SRD5A2: variants seen among roughly 807,000 people sequenced by gnomAD.
SRD5A2 encodes 3-oxo-5-alpha-steroid 4-dehydrogenase 2.
SRD5A2 carries 30 observed loss-of-function variants against 27.4 expected under a neutral mutation model. The observed-to-expected ratio is 1.10, with a 90% CI of 0.82 to 1.49. The LOEUF is 1.49. SRD5A2 is among the 40% of genes most tolerant of loss of function. The probability of loss-of-function intolerance (pLI) is 0.00; values close to 1 mark genes in which losing one functional copy is unlikely to be tolerated. For synonymous variants in SRD5A2, 141 were observed against 133.6 expected, an observed-to-expected ratio of 1.06 and a Z score of -0.38; for missense variants, 348 against 323.4, an observed-to-expected ratio of 1.08 and a Z score of -0.58.
the SRD5A2 span, among the ~76,000 whole-genome samples, chr2:31,658,240 A>G: frequency 6.6e-6 from 1 of 152,154 alleles, no homozygotes; most frequent in South Asian, 2.1e-4. Context: ...TTAAGAGGAA[A>G]GTTTATAGCA....
At chr2:31,595,597 T>C in the SRD5A2 span, among the ~76,000 whole-genome samples, 2 of 152,070 alleles carry the variant, frequency 1.3e-5, no homozygotes, top group Non-Finnish European at 2.9e-5. Context: ...CAGGACCAGA[T>C]GGACTCACAT....
At chr2:31,537,356 C>G (rs1666047502) in intron 1 of SRD5A2, among the ~76,000 whole-genome samples, 3 of 152,174 alleles carry the variant, frequency 2.0e-5, no homozygotes, top group Admixed American at 1.3e-4. Context: ...TCTCTGTCTT[C>G]TCCTCCACTT....
chr2:31,610,578 A>G, the SRD5A2 span, among the ~76,000 whole-genome samples: 3 of 152,308 alleles, frequency 2.0e-5, no homozygotes, highest in Admixed American at 2.0e-4. Context: ...ATCAAGAACA[A>G]TACAAAGATG....
the SRD5A2 span, among the ~76,000 whole-genome samples, chr2:31,606,917 G>C: frequency 1.3e-5 from 2 of 151,918 alleles, no homozygotes; most frequent in African/African-American, 2.4e-5. Context: ...GTTCCTCTGA[G>C]GGTTGTGATG....
chr2:31,569,018 C>T (rs1447534517), intron 1 of SRD5A2, among the ~76,000 whole-genome samples: 1 of 152,210 alleles, frequency 6.6e-6, no homozygotes, highest in East Asian at 1.9e-4. Context: ...GGGGCGCTTC[C>T]CAGGCCCCTG....
the SRD5A2 span, among the ~76,000 whole-genome samples, chr2:31,612,274 G>A: frequency 2.7e-5 from 4 of 149,842 alleles, no homozygotes; most frequent in Non-Finnish European, 4.4e-5. Context: ...GAGCAAGACT[G>A]CGTCTCAAAA....
chr2:31,571,878 C>T (rs983691064), intron 1 of SRD5A2, among the ~76,000 whole-genome samples: 2 of 152,084 alleles, frequency 1.3e-5, no homozygotes, highest in African/African-American at 4.8e-5. Context: ...TAAATGCTGG[C>T]AAGGTTATGG....
intron 1 of SRD5A2, among the ~76,000 whole-genome samples, chr2:31,554,430 A>G (rs532337077): frequency 2.0e-5 from 3 of 152,180 alleles, no homozygotes; most frequent in Non-Finnish European, 4.4e-5. Context: ...TTGCAACTGG[A>G]GACAACTTGG....
At chr2:31,554,961 G>GTGTC (rs1553326415) in intron 1 of SRD5A2, among the ~76,000 whole-genome samples, 1 of 145,650 alleles carries the variant, frequency 6.9e-6, no homozygotes, top group Non-Finnish European at 1.5e-5. Flanking sequence ...GTGTGTGTGT[G>GTGTC]TGTGTGTATG....
At chr2:31,632,192 T>C in the SRD5A2 span, among the ~76,000 whole-genome samples, 1 of 151,946 alleles carries the variant, frequency 6.6e-6, no homozygotes, top group South Asian at 2.1e-4. Flanking sequence ...TGGTTTTTTA[T>C]AATAGAGATC....
At chr2:31,645,444 CT>C in the SRD5A2 span, among the ~76,000 whole-genome samples, 1 of 152,084 alleles carries the variant, frequency 6.6e-6, no homozygotes, top group Non-Finnish European at 1.5e-5. Flanking sequence ...CCCACAAAAA[CT>C]AAAAATTCAA....
chr2:31,608,598 TAA>T, the SRD5A2 span, among the ~76,000 whole-genome samples: 1 of 151,810 alleles, frequency 6.6e-6, no homozygotes, highest in Non-Finnish European at 1.5e-5. Context: ...GATTAATATA[TAA>T]AATAAGTTGT....
chr2:31,573,572 C>T lies in SRD5A2; in HGVS notation c.281+7048G>A, dbSNP rs1666895226. ...TAAGTAGACAACGTTTGTATTCCAT[C>T]TAGTAACAAAAAATATTTATGCTCC... On this transcript the variant is annotated intron_variant, in intron 1 of 4. Transcript: ENST00000622030. Among the ~76,000 whole-genome samples the T allele has an allele frequency of 3.3e-5, 5 of 152,180 alleles. No individual in the cohort carries two copies. In the South Asian group the frequency reaches 8.3e-4, roughly 25 times the overall value.
At chr2:31,574,612 C>T (rs559077486) in intron 1 of SRD5A2, among the ~76,000 whole-genome samples, 1 of 152,338 alleles carries the variant, frequency 6.6e-6, no homozygotes, top group South Asian at 2.1e-4. Flanking sequence ...AACTCCAAGA[C>T]TCCTACTATT....
chr2:31,546,194 A>C (rs1166198296), intron 1 of SRD5A2, among the ~76,000 whole-genome samples: 1 of 152,094 alleles, frequency 6.6e-6, no homozygotes, highest in African/African-American at 2.4e-5. Context: ...TTTCAGAAAT[A>C]AAACAGTCCA....
chr2:31,578,171 T>C (rs900174879), intron 1 of SRD5A2, among the ~76,000 whole-genome samples: 1 of 152,144 alleles, frequency 6.6e-6, no homozygotes, highest in Middle Eastern at 3.2e-3. Flanking sequence ...TATACTTAGA[T>C]GTAATTATGA....
the SRD5A2 span, among the ~76,000 whole-genome samples, chr2:31,601,916 T>C: frequency 1.3e-5 from 2 of 152,014 alleles, no homozygotes; most frequent in Non-Finnish European, 2.9e-5. Context: ...CTCAAAATAA[T>C]AGGAGCCATA....
At chr2:31,634,093 C>T in the SRD5A2 span, among the ~76,000 whole-genome samples, 3 of 152,138 alleles carry the variant, frequency 2.0e-5, no homozygotes, top group Non-Finnish European at 4.4e-5. Flanking sequence ...GCAACAGCAA[C>T]CCCTTTAGGG....
the SRD5A2 span, among the ~76,000 whole-genome samples, chr2:31,617,479 C>A: frequency 6.6e-6 from 1 of 152,212 alleles, no homozygotes; most frequent in African/African-American, 2.4e-5. Context: ...ATTACTCATG[C>A]AAATTTCTGC....
Sources: allele counts gnomAD v4.1 joint callset (sites outside exome capture counted in the v4.1 genomes callset), GRCh38; gene constraint gnomAD v4.1.1; transcripts MANE v1.5; gene names NCBI Gene and HGNC (gene_info 2026-07-23, HGNC 2026-07-21).